Variants in ARHGEF10 observed in about 807,000 individuals in gnomAD.
The protein encoded by ARHGEF10 is Rho guanine nucleotide exchange factor (GEF) 10.
Under a neutral mutation model 147.4 loss-of-function variants are expected in ARHGEF10, and 140 were observed. The observed-to-expected ratio is 0.95, with a 90% CI of 0.83 to 1.09. ARHGEF10 has a LOEUF of 1.09. Ranked by LOEUF, ARHGEF10 falls within the 50% of genes least tolerant of loss-of-function variation. The pLI, the probability that ARHGEF10 is intolerant of heterozygous loss-of-function variation, is 0.00. For synonymous variants in ARHGEF10, 902 were observed against 695.8 expected, an observed-to-expected ratio of 1.30 and a Z score of -4.67; for missense variants, 2,222 against 1,752.7, an observed-to-expected ratio of 1.27 and a Z score of -4.78.
intron 18 of ARHGEF10, among the ~76,000 whole-genome samples, chr8:1,910,089 T>A (rs1182134605): frequency 6.6e-6 from 1 of 152,154 alleles, no homozygotes; most frequent in Admixed American, 6.5e-5. Context: ...CTTCTCTTCA[T>A]TATTAAAAAA....
intron 1 of ARHGEF10, among the ~76,000 whole-genome samples, chr8:1,827,586 G>C (rs916850459): frequency 6.6e-6 from 1 of 152,200 alleles, no homozygotes. Flanking sequence ...GATTACAGGC[G>C]TGAGCCACTG....
At chr8:1,928,098 A>G (rs1429685091) in intron 23 of ARHGEF10, among the ~76,000 whole-genome samples, 1 of 152,192 alleles carries the variant, frequency 6.6e-6, no homozygotes, top group Non-Finnish European at 1.5e-5. Context: ...ATTGATAATA[A>G]TCTGCTTCTT....
Position 1,914,315 on chromosome 8 carries a change from A to G in ARHGEF10, c.2143+4845A>G, listed in dbSNP as rs182660850. Among the ~76,000 whole-genome samples the G allele has an allele frequency of 5.1e-3, 774 of 152,310 alleles. 5 individuals are homozygous for G. The highest frequency in any genetic ancestry group is 0.017 in the African/African-American group (719 of 41,574). On this transcript the variant is annotated intron_variant, in intron 18 of 28. Coordinates refer to ENST00000349830, the MANE Select transcript of ARHGEF10 (RefSeq NM_014629.4). ...GGCCAAGTGGCCGTTCTGTGGAGGC[A>G]CGGAGGGGTCTGAGCAGCGCGTCCA...
rs147449262 is a variant in ARHGEF10 at position 1,925,735 on chromosome 8, C to G, written c.2610+331C>G. On this transcript the variant is annotated intron_variant, in intron 22 of 28. Coordinates refer to ENST00000349830, the MANE Select transcript of ARHGEF10 (RefSeq NM_014629.4). ...GTTTTGCCTTTGCTTGGCAAGCAGT[C>G]TGTTTCCACAGTGGATCGTAACTCC... Among the ~76,000 whole-genome samples the G allele has an allele frequency of 5.3e-3, 806 of 152,294 alleles. 7 individuals carry two copies. Among genetic ancestry groups the G allele is most frequent in the African/African-American group, 0.018 (768 of 41,568 alleles).
intron 1 of ARHGEF10, among the ~76,000 whole-genome samples, chr8:1,827,048 C>T (rs1237000916): frequency 6.6e-6 from 1 of 152,170 alleles, no homozygotes; most frequent in African/African-American, 2.4e-5. Flanking sequence ...AGGCCGGTGA[C>T]CAGCAGGGGT....
intron 27 of ARHGEF10, among the ~76,000 whole-genome samples, chr8:1,950,188 AC>A (rs1814916300): frequency 6.6e-6 from 1 of 152,052 alleles, no homozygotes; most frequent in Non-Finnish European, 1.5e-5. Context: ...TCGCCAGCGG[AC>A]CTCACGTGGG....
intron 28 of ARHGEF10, among the ~76,000 whole-genome samples, chr8:1,953,536 T>C (rs1815231520): frequency 6.6e-6 from 1 of 152,276 alleles, no homozygotes; most frequent in African/African-American, 2.4e-5. Context: ...CTTGTGTGTC[T>C]GGAATCAGGA....
At chr8:1,850,126 G>A (rs1446389066) in intron 2 of ARHGEF10, among the ~76,000 whole-genome samples, 13 of 130,614 alleles carry the variant, frequency 1.0e-4, no homozygotes, top group Non-Finnish European at 1.9e-4. Flanking sequence ...GGACACAGAG[G>A]GCAAATGCTG....
upstream of ARHGEF10, among the ~76,000 whole-genome samples, chr8:1,823,382 G>C (rs1802513150): frequency 6.6e-6 from 1 of 151,964 alleles, no homozygotes; most frequent in Non-Finnish European, 1.5e-5. Flanking sequence ...GGGCGGGTCG[G>C]GTGGGGTCCC....
At chr8:1,951,022 C>CCCACAG (rs1815002077) in intron 27 of ARHGEF10, among the ~76,000 whole-genome samples, 1 of 152,218 alleles carries the variant, frequency 6.6e-6, no homozygotes, top group South Asian at 2.1e-4. Flanking sequence ...CATCCCTGCT[C>CCCACAG]CCACAGCGGG....
At chr8:1,830,795 A>G (rs993888044) in intron 1 of ARHGEF10, among the ~76,000 whole-genome samples, 1 of 152,228 alleles carries the variant, frequency 6.6e-6, no homozygotes, top group African/African-American at 2.4e-5. Context: ...ACACGGGGCT[A>G]CAAGGTGCGG....
chr8:1,951,004 G>T (rs73671066), intron 27 of ARHGEF10, among the ~76,000 whole-genome samples: 6,803 of 152,240 alleles, frequency 0.045, 496 homozygotes, highest in African/African-American at 0.15. Flanking sequence ...CCCCTTCCCA[G>T]TATCTCACAT....
At chr8:1,951,644 A>C (rs1175330828) in intron 27 of ARHGEF10, among the ~76,000 whole-genome samples, 3 of 152,232 alleles carry the variant, frequency 2.0e-5, no homozygotes, top group African/African-American at 7.2e-5. Context: ...TTATATCTAC[A>C]GAAAAGAATC....
intron 1 of ARHGEF10, among the ~76,000 whole-genome samples, chr8:1,833,837 T>G (rs1235374987): frequency 1.3e-5 from 2 of 152,250 alleles, no homozygotes; most frequent in Non-Finnish European, 2.9e-5. Context: ...GGAGGGAGTC[T>G]TAGCTGGCAC....
At chr8:1,873,620 A>G (rs1180603546) in intron 7 of ARHGEF10, among the ~76,000 whole-genome samples, 1 of 136,930 alleles carries the variant, frequency 7.3e-6, no homozygotes, top group Non-Finnish European at 1.5e-5. Context: ...CCCGCGGGGT[A>G]GTGCACCCGC....
chr8:1,917,186 T>A (rs1455382684), intron 18 of ARHGEF10, among the ~76,000 whole-genome samples: 1 of 152,246 alleles, frequency 6.6e-6, no homozygotes, highest in East Asian at 1.9e-4. Context: ...ATTTGTATCC[T>A]CTTTTAGACT....
rs1813671317 is a variant in ARHGEF10 at position 1,937,018 on chromosome 8, T to A, written c.3222+3076T>A. Among the ~76,000 whole-genome samples, 1 of 152,196 alleles carries A rather than the reference T, an allele frequency of 6.6e-6. No homozygotes were observed. The highest frequency in any genetic ancestry group is 1.5e-5 in the Non-Finnish European group (1 of 68,030). On this transcript the variant is annotated intron_variant, in intron 26 of 28. Transcript: ENST00000349830. The surrounding 1 kb of genome is among the most constrained non-coding windows in gnomAD (Gnocchi z 4.9). ...TCCTGAGCCTCCTGGAGGCCGACGC[T>A]CTGCCGTGGATCATGAATAGCATTC...
chr8:1,935,589 C>T (rs996091524), intron 26 of ARHGEF10, among the ~76,000 whole-genome samples: 1 of 152,174 alleles, frequency 6.6e-6, no homozygotes, highest in Non-Finnish European at 1.5e-5. Context: ...CTTAGGGCAG[C>T]CCCTCCGGAG....
chr8:1,878,006 C>G (rs1430887182), intron 8 of ARHGEF10, among the ~76,000 whole-genome samples: 1 of 152,066 alleles, frequency 6.6e-6, no homozygotes, highest in Admixed American at 6.5e-5. Context: ...TGATTATGGG[C>G]TGCCTACAAT....
Sources: allele counts gnomAD v4.1 joint callset (sites outside exome capture counted in the v4.1 genomes callset), GRCh38; gene constraint gnomAD v4.1.1; non-coding constraint Gnocchi (gnomAD v3.1); transcripts MANE v1.5; gene names NCBI Gene and HGNC (gene_info 2026-07-23, HGNC 2026-07-21).